VRK2: variants seen among roughly 807,000 people sequenced by gnomAD.
The protein encoded by VRK2 is serine/threonine-protein kinase VRK2.
VRK2 carries 60 observed loss-of-function variants against 57.6 expected under a neutral mutation model. The ratio of observed to expected loss-of-function variants is 1.04; its 90% CI spans 0.85 to 1.29. The LOEUF (loss-of-function observed/expected upper bound fraction) is 1.29. Among genes scored for constraint, VRK2 ranks in the 50% most tolerant of loss-of-function variants. The probability of loss-of-function intolerance (pLI) is 0.00; values close to 1 mark genes in which losing one functional copy is unlikely to be tolerated. For synonymous variants in VRK2, 231 were observed against 199.2 expected (o/e 1.16, Z -1.35); for missense variants, 705 against 588.1 (o/e 1.20, Z -2.06).
chr2:57,966,501 C>T (rs1307870258), intron 1 of VRK2, among the ~76,000 whole-genome samples: 1 of 152,012 alleles, frequency 6.6e-6, no homozygotes, highest in Non-Finnish European at 1.5e-5. Context: ...ATGTCCAGTT[C>T]CAAAATAAAA....
At chr2:58,088,308 GGAT>G in intron 5 of VRK2, 30 bp from the exon 6 acceptor site, 1 of 1,454,574 alleles carries the variant, frequency 6.9e-7, no homozygotes, top group Non-Finnish European at 9.5e-7. Context: ...TACTTTCTCA[GGAT>G]GATCTCTTTT....
intron 3 of VRK2, among the ~76,000 whole-genome samples, chr2:58,034,001 G>A (rs1482336441): frequency 1.3e-5 from 2 of 151,936 alleles, no homozygotes; most frequent in Non-Finnish European, 2.9e-5. Flanking sequence ...ATGTAAGTAC[G>A]GATAATCCAG....
At chr2:58,075,646 T>G (rs960914314) in intron 2 of VRK2, among the ~76,000 whole-genome samples, 1 of 152,102 alleles carries the variant, frequency 6.6e-6, no homozygotes, top group African/African-American at 2.4e-5. Flanking sequence ...ATAAACCTAT[T>G]TTTTTGGTGG....
chr2:58,144,450 G>A (rs928647863), intron 11 of VRK2, among the ~76,000 whole-genome samples: 2 of 151,924 alleles, frequency 1.3e-5, no homozygotes, highest in African/African-American at 2.4e-5. Flanking sequence ...CTTGATTGTT[G>A]TATTCATTTT....
chr2:57,909,830 G>A (rs935518331), intron 1 of VRK2, among the ~76,000 whole-genome samples: 4 of 152,034 alleles, frequency 2.6e-5, no homozygotes, highest in African/African-American at 4.8e-5. Flanking sequence ...TTCTGAAAGC[G>A]TTAAATTATT....
At chr2:58,116,746 G>A (rs936044042) in intron 7 of VRK2, among the ~76,000 whole-genome samples, 4 of 152,204 alleles carry the variant, frequency 2.6e-5, no homozygotes, top group African/African-American at 9.6e-5. Flanking sequence ...CAGGGGCTCT[G>A]GGAGTGGCTG....
chr2:58,136,112 G>T (rs903713432), intron 10 of VRK2, among the ~76,000 whole-genome samples: 2 of 152,118 alleles, frequency 1.3e-5, no homozygotes, highest in Admixed American at 6.5e-5. Context: ...TACATTCACA[G>T]CCTTTCTTTC....
chr2:58,148,505 T>G (rs1030196168), intron 12 of VRK2, among the ~76,000 whole-genome samples: 1 of 151,834 alleles, frequency 6.6e-6, no homozygotes, highest in Non-Finnish European at 1.5e-5. Context: ...ATATTATTTG[T>G]TTTTTTATTT....
chr2:57,958,525 T>C (rs777841321), intron 1 of VRK2, among the ~76,000 whole-genome samples: 2 of 151,846 alleles, frequency 1.3e-5, no homozygotes, highest in Non-Finnish European at 2.9e-5. Context: ...ATATATATGA[T>C]TGTATTTACT....
chr2:58,114,946 G>C (rs1423522961), intron 7 of VRK2, among the ~76,000 whole-genome samples: 1 of 152,156 alleles, frequency 6.6e-6, no homozygotes, highest in Non-Finnish European at 1.5e-5. Flanking sequence ...TGCCCGTCCT[G>C]GGTGGGGGCA....
chr2:58,053,512 A>G (rs1676063331), intron 2 of VRK2, among the ~76,000 whole-genome samples: 1 of 152,204 alleles, frequency 6.6e-6, no homozygotes, highest in South Asian at 2.1e-4. Context: ...CATTTATTTT[A>G]CTGATAAGGA....
intron 1 of VRK2, among the ~76,000 whole-genome samples, chr2:57,926,439 A>ATGTG (rs142768773): frequency 1.9e-3 from 273 of 145,696 alleles, no homozygotes; most frequent in Non-Finnish European, 3.0e-3. Context: ...ACATATATAT[A>ATGTG]TGTGTGTGTG....
chr2:58,046,418 G>T, upstream of VRK2: 2 of 907,038 alleles, frequency 2.2e-6, no homozygotes, highest in Non-Finnish European at 2.6e-6. Context: ...TTAGTTGCTC[G>T]GCGAGAGCTC....
At chr2:58,055,117 A>C (rs1170769897) in intron 2 of VRK2, among the ~76,000 whole-genome samples, 1 of 152,174 alleles carries the variant, frequency 6.6e-6, no homozygotes, top group Non-Finnish European at 1.5e-5. Context: ...ATATGATAAC[A>C]GGAGGATCTT....
intron 1 of VRK2, among the ~76,000 whole-genome samples, chr2:57,949,541 G>A (rs919956599): frequency 4.6e-5 from 7 of 152,112 alleles, no homozygotes; most frequent in South Asian, 2.1e-4. Flanking sequence ...GATAAATGTC[G>A]TGTGTGTTTT....
At chr2:58,146,895 C>T (rs765598604) in intron 12 of VRK2, among the ~76,000 whole-genome samples, 17 of 151,852 alleles carry the variant, frequency 1.1e-4, no homozygotes, top group South Asian at 1.0e-3. Context: ...GTCATTTGGG[C>T]GGAGAGTGAC....
intron 1 of VRK2, among the ~76,000 whole-genome samples, chr2:58,006,405 C>CT (rs1270809219): frequency 6.6e-6 from 1 of 152,126 alleles, no homozygotes; most frequent in African/African-American, 2.4e-5. Flanking sequence ...AATTCAAAGT[C>CT]TTAGGGAGAT....
chr2:57,923,997 T>C (rs917053414), intron 1 of VRK2, among the ~76,000 whole-genome samples: 3 of 152,074 alleles, frequency 2.0e-5, no homozygotes, highest in Non-Finnish European at 4.4e-5. Context: ...CCATAATGTA[T>C]GTTCTTGGCA....
chr2:58,108,306 G>A (rs541654972), intron 7 of VRK2, among the ~76,000 whole-genome samples: 3 of 151,992 alleles, frequency 2.0e-5, no homozygotes, highest in Non-Finnish European at 2.9e-5. Context: ...GTCCTAGTCC[G>A]AGTTCCTGTT....
Sources: allele counts gnomAD v4.1 joint callset (sites outside exome capture counted in the v4.1 genomes callset), GRCh38; gene constraint gnomAD v4.1.1; transcripts MANE v1.5; gene names NCBI Gene and HGNC (gene_info 2026-07-23, HGNC 2026-07-21).